NAA50: variants seen among roughly 807,000 people sequenced by gnomAD.
NAA50 encodes N-alpha-acetyltransferase 50, NatE catalytic subunit.
Under a neutral mutation model 20.7 loss-of-function variants are expected in NAA50, and 7 were observed. The observed-to-expected ratio is 0.34, with a 90% CI of 0.19 to 0.63. The LOEUF is 0.63. NAA50 is among the 30% of genes least tolerant of loss of function. The pLI is 0.75. For synonymous variants in NAA50, 54 were observed against 70.6 expected (o/e 0.77, Z 1.18); for missense variants, 111 against 199.1 (o/e 0.56, Z 2.66).
intron 1 of NAA50, among the ~76,000 whole-genome samples, chr3:113,743,605 A>C (rs763486912): frequency 9.9e-5 from 15 of 152,248 alleles, no homozygotes; most frequent in Admixed American, 6.5e-4. Flanking sequence ...AAGCAAAAAA[A>C]ATTAAAAAGT....
chr3:113,730,172 G>A (rs778315550), intron 1 of NAA50, among the ~76,000 whole-genome samples: 48 of 152,024 alleles, frequency 3.2e-4, no homozygotes, highest in Non-Finnish European at 3.8e-4. Flanking sequence ...GTGGTGGCGC[G>A]TGCCTTTAGT....
rs935540330 is a variant in NAA50 at position 113,722,049 on chromosome 3, G to A, written c.333-112C>T. On this transcript the variant is annotated intron_variant, in intron 4 of 4. Coordinates refer to ENST00000240922, the MANE Select transcript of NAA50 (RefSeq NM_025146.4). ...TGTTACATTCTCTTTACAACTACCAGTAATCAACAAGGGTTAGGCATGCTT... is the reference window on the plus strand; with the variant it reads ...TGTTACATTCTCTTTACAACTACCAATAATCAACAAGGGTTAGGCATGCTT... 4.4e-5 allele frequency: 43 copies of A among 973,992 alleles called. 2 individuals carry two copies. In the South Asian group the frequency reaches 7.4e-4, roughly 17 times the overall value. The allele number at this position is 973,992 out of a possible 1,614,324, so 60.3% of individuals were successfully genotyped here. A position where few individuals can be genotyped will look rare whatever the true frequency, so the allele number is the denominator to read the frequency against.
At chr3:113,730,303 A>G (rs13073843) in intron 1 of NAA50, among the ~76,000 whole-genome samples, 50,479 of 151,982 alleles carry the variant, frequency 0.33, 8,553 homozygotes, top group East Asian at 0.36. Flanking sequence ...TGTTCAAAAA[A>G]AGATTTAATG....
chr3:113,745,889 G>T, intron 1 of NAA50, 53 bp downstream of exon 1: 2 of 1,593,924 alleles, frequency 1.3e-6, no homozygotes, highest in Non-Finnish European at 1.7e-6. Context: ...CTCTACATGG[G>T]CCCGGACCCT....
Position 113,746,068 on chromosome 3 carries a change from G to T in NAA50, c.-119C>A. ...ACCCCGCAAGCCGGCCTCCTAGCCT[G>T]GGCAGGGAGCTGTGCGAGCAACGAA... On this transcript the variant is annotated 5_prime_UTR_variant, in exon 1 of 5. Coordinates refer to ENST00000240922, the MANE Select transcript of NAA50 (RefSeq NM_025146.4). 7.2e-7 allele frequency: 1 copy of T among 1,385,444 alleles called. No homozygotes were observed. Among genetic ancestry groups the T allele is most frequent in the African/African-American group, 1.4e-5 (1 of 69,262 alleles). 85.8% of individuals were successfully genotyped at this position (1,385,444 alleles called of 1,614,324 possible). A position where few individuals can be genotyped will look rare whatever the true frequency, so the allele number is the denominator to read the frequency against.
chr3:113,735,965 C>T (rs563102596), intron 1 of NAA50, among the ~76,000 whole-genome samples: 1 of 152,314 alleles, frequency 6.6e-6, no homozygotes, highest in African/African-American at 2.4e-5. Flanking sequence ...GGATTACAGG[C>T]GCAAGCCACC....
Position 113,718,747 on chromosome 3 carries a change from G to T in NAA50, c.*3013C>A, listed in dbSNP as rs183379851. On this transcript the variant is annotated 3_prime_UTR_variant, in exon 5 of 5. Transcript: ENST00000240922. ...AAATACAGCAGCAAGACAGTTCCTT[G>T]GATCTTACTTTTTCCCTCTCATTGG... 10 of 152,250 alleles carry T rather than the reference G, an allele frequency of 6.6e-5. No homozygotes were observed. The highest frequency in any genetic ancestry group is 2.4e-4 in the African/African-American group (10 of 41,532). 9.4% of individuals were successfully genotyped at this position (152,250 alleles called of 1,614,324 possible). A position where few individuals can be genotyped will look rare whatever the true frequency, so the allele number is the denominator to read the frequency against.
chr3:113,717,965 T>G lies in NAA50; in HGVS notation c.*3795A>C, dbSNP rs868461212. 2.0e-5 allele frequency: 3 copies of G among 152,374 alleles called. No individual in the cohort carries two copies. Among genetic ancestry groups the G allele is most frequent in the South Asian group, 4.1e-4 (2 of 4,832 alleles). The allele number at this position is 152,374 out of a possible 1,614,324, so 9.4% of individuals were successfully genotyped here. On this transcript the variant is annotated 3_prime_UTR_variant, in exon 5 of 5. Transcript: ENST00000240922. ...GGGCCCAATGATATCCACCTCCCAGTATTCACATCCTTGTGCAGTCCCCTC... is the reference window on the plus strand; with the variant it reads ...GGGCCCAATGATATCCACCTCCCAGGATTCACATCCTTGTGCAGTCCCCTC...
intron 1 of NAA50, among the ~76,000 whole-genome samples, chr3:113,743,456 A>G (rs1317395591): frequency 6.6e-6 from 1 of 152,226 alleles, no homozygotes; most frequent in African/African-American, 2.4e-5. Flanking sequence ...AATCGACCAC[A>G]CTGTGCACTG....
At chr3:113,723,089 A>G (rs1245872985) in intron 3 of NAA50, 117 bp from the exon 4 acceptor site, 3 of 1,297,142 alleles carry the variant, frequency 2.3e-6, no homozygotes, top group South Asian at 3.4e-5. Context: ...TGAGGTATAC[A>G]CTAGATATCC....
At chr3:113,745,804 G>C (rs1559744456) in intron 1 of NAA50, 138 bp downstream of exon 1, 2 of 1,063,628 alleles carry the variant, frequency 1.9e-6, no homozygotes, top group South Asian at 1.7e-5. Flanking sequence ...CGGGAGCCGA[G>C]GGAACTGAGA....
At chr3:113,735,682 GT>G (rs370263875) in intron 1 of NAA50, among the ~76,000 whole-genome samples, 1 of 152,146 alleles carries the variant, frequency 6.6e-6, no homozygotes, top group Non-Finnish European at 1.5e-5. Flanking sequence ...TGACCCACAG[GT>G]TTTTTGTTTG....
Position 113,746,196 on chromosome 3 carries a change from G to C in NAA50, c.-247C>G, listed in dbSNP as rs1337502249. ...CTCCACACGTGCACTCGGGTCTCTC[G>C]GCTCCCTCCCGCCGCTGCCGCCAGC... On this transcript the variant is annotated 5_prime_UTR_variant, in exon 1 of 5. Coordinates refer to ENST00000240922, the MANE Select transcript of NAA50 (RefSeq NM_025146.4). The C allele has an allele frequency of 5.9e-6, 3 of 512,150 alleles. No homozygotes were observed. The highest frequency in any genetic ancestry group is 4.1e-5 in the African/African-American group (2 of 48,970). 31.7% of individuals were successfully genotyped at this position (512,150 alleles called of 1,614,324 possible).
chr3:113,744,008 T>C lies in NAA50; in HGVS notation c.8+1934A>G, dbSNP rs79194238. 8.8e-3 allele frequency among the ~76,000 whole-genome samples: 1,336 copies of C among 152,244 alleles called. 16 individuals carry two copies. Among genetic ancestry groups the C allele is most frequent in the African/African-American group, 0.03 (1,266 of 41,550 alleles). On this transcript the variant is annotated intron_variant, in intron 1 of 4. Transcript: ENST00000240922. ...AGATTGAAGATTTTGGATCTAAACA[T>C]ACAGAATAATTTCCTGGCAACCCCT...
At chr3:113,742,082 A>G (rs1259793786) in intron 1 of NAA50, among the ~76,000 whole-genome samples, 1 of 152,192 alleles carries the variant, frequency 6.6e-6, no homozygotes, top group Non-Finnish European at 1.5e-5. Context: ...TCAACACAGC[A>G]AGGGCACATT....
chr3:113,736,352 T>C (rs1708341374), intron 1 of NAA50, among the ~76,000 whole-genome samples: 1 of 152,208 alleles, frequency 6.6e-6, no homozygotes, highest in Non-Finnish European at 1.5e-5. Flanking sequence ...CTACAGATAC[T>C]TTATATTAAG....
At chr3:113,740,070 C>T (rs1708394153) in intron 1 of NAA50, among the ~76,000 whole-genome samples, 1 of 151,884 alleles carries the variant, frequency 6.6e-6, no homozygotes, top group South Asian at 2.1e-4. Context: ...ATCATTTAAA[C>T]ATGTAGTCAA....
chr3:113,729,294 T>C (rs573400269), intron 1 of NAA50, among the ~76,000 whole-genome samples: 1 of 152,264 alleles, frequency 6.6e-6, no homozygotes, highest in African/African-American at 2.4e-5. Context: ...CCAGCCCTTG[T>C]AATATTCTTG....
At chr3:113,744,190 A>C (rs1336551559) in intron 1 of NAA50, among the ~76,000 whole-genome samples, 1 of 152,282 alleles carries the variant, frequency 6.6e-6, no homozygotes, top group East Asian at 1.9e-4. Context: ...TGCCGCGTTC[A>C]GTGGCTCACA....
Sources: gnomAD v4.1 joint callset for allele counts (sites outside exome capture counted in the v4.1 genomes callset) on GRCh38, gnomAD v4.1.1 for gene constraint, MANE v1.5 for transcripts, NCBI Gene and HGNC (gene_info 2026-07-23, HGNC 2026-07-21) for gene names.